The following IMPG1 variants were observed in gnomAD, a reference collection of about 807,000 sequenced individuals.
IMPG1 encodes the protein interphotoreceptor matrix proteoglycan of 150 kDa.
In IMPG1, 85 loss-of-function variants were observed where a neutral mutation model predicts 92.0. The observed-to-expected ratio is 0.92, with a 90% CI of 0.78 to 1.11. IMPG1 has a LOEUF of 1.11. IMPG1 is among the 50% of genes least tolerant of loss of function. The probability of loss-of-function intolerance (pLI) is 0.00; values close to 1 mark genes in which losing one functional copy is unlikely to be tolerated. For missense variants in IMPG1, 1,022 were observed against 956.0 expected (o/e 1.07, Z -0.91); for synonymous variants, 367 against 334.1 (o/e 1.10, Z -1.08).
At chr6:75,927,664 A>T (rs1781579892) in intron 15 of IMPG1, among the ~76,000 whole-genome samples, 1 of 152,014 alleles carries the variant, frequency 6.6e-6, no homozygotes, top group Admixed American at 6.5e-5. Context: ...AAAGGGCAAA[A>T]TTGGGGTAAT....
At chr6:76,003,802 G>A in intron 11 of IMPG1, 72 bp downstream of exon 11, 1 of 1,122,016 alleles carries the variant, frequency 8.9e-7, no homozygotes, top group Non-Finnish European at 1.3e-6. Flanking sequence ...CATTTCTTAA[G>A]CTGATTTGTT....
chr6:75,962,297 T>C (rs1782223874), intron 12 of IMPG1, among the ~76,000 whole-genome samples: 1 of 152,010 alleles, frequency 6.6e-6, no homozygotes, highest in Admixed American at 6.6e-5. Flanking sequence ...TAAAAAAATT[T>C]TTTTTTTATG....
chr6:75,924,667 AAAT>A (rs1415538908), intron 15 of IMPG1, among the ~76,000 whole-genome samples: 6 of 7,998 alleles, frequency 7.5e-4, no homozygotes, highest in Non-Finnish European at 8.7e-4. Flanking sequence ...AATATATAAT[AAAT>A]TATATATTAT....
intron 15 of IMPG1, among the ~76,000 whole-genome samples, chr6:75,925,270 T>G (rs756406645): frequency 8.5e-5 from 13 of 152,146 alleles, no homozygotes; most frequent in Non-Finnish European, 1.6e-4. Flanking sequence ...TTAAATAAAA[T>G]AAATATTTTT....
chr6:76,048,032 A>G (rs893058986), intron 1 of IMPG1, among the ~76,000 whole-genome samples: 17 of 152,282 alleles, frequency 1.1e-4, no homozygotes, highest in African/African-American at 4.1e-4. Context: ...GTAAATAATC[A>G]ATGGGACCAA....
intron 12 of IMPG1, among the ~76,000 whole-genome samples, chr6:75,952,617 C>A (rs1331438919): frequency 6.6e-6 from 1 of 152,126 alleles, no homozygotes; most frequent in Non-Finnish European, 1.5e-5. Flanking sequence ...TTATTAAAAT[C>A]TCCATTGCTA....
intron 7 of IMPG1, among the ~76,000 whole-genome samples, chr6:76,013,714 C>T (rs1221120877): frequency 6.6e-6 from 1 of 152,082 alleles, no homozygotes; most frequent in Admixed American, 6.6e-5. Flanking sequence ...GGACCCAGCA[C>T]ATTTTGTTTA....
chr6:75,931,399 G>A (rs543861753), intron 14 of IMPG1, among the ~76,000 whole-genome samples: 14 of 152,244 alleles, frequency 9.2e-5, no homozygotes, highest in South Asian at 6.2e-4. Context: ...CATCAGAATC[G>A]TCTGGAGGCC....
At chr6:76,041,823 A>T in intron 2 of IMPG1, 70 bp downstream of exon 2, 1 of 1,027,170 alleles carries the variant, frequency 9.7e-7, no homozygotes, top group Admixed American at 2.0e-5. Flanking sequence ...GGCTAAAGAC[A>T]ACCTATGGAT....
At chr6:75,983,457 C>A (rs1479264296) in intron 12 of IMPG1, among the ~76,000 whole-genome samples, 2 of 151,988 alleles carry the variant, frequency 1.3e-5, no homozygotes, top group Admixed American at 1.3e-4. Context: ...GACAAGGTTG[C>A]CAAGAACACA....
intron 15 of IMPG1, among the ~76,000 whole-genome samples, chr6:75,928,824 CA>C (rs1432496091): frequency 1.3e-5 from 2 of 152,188 alleles, no homozygotes; most frequent in Non-Finnish European, 2.9e-5. Context: ...ATGGCAGTGC[CA>C]TATGGTTGAA....
chr6:76,018,813 G>T lies in IMPG1; in HGVS notation c.712C>A (p.Leu238Ile). ...FAVLEEQRVELSVSLVNQKFK... is the reference protein window; with the variant it reads ...FAVLEEQRVEISVSLVNQKFK... ...TTCTGGTTTACCAGAGAGACGCTGA[G>T]CTCCACCCTCTGCTCCTCCAACACA... Residue 238 changes from leucine (L) to isoleucine (I), a missense_variant, in exon 7 of 17, where the codon CTC becomes ATC. This residue lies in a region of IMPG1 where 681 missense variants were observed against 583.6 expected (regional missense o/e 1.17). Transcript: ENST00000369950. The T allele has an allele frequency of 6.2e-7, 1 of 1,611,942 alleles. No homozygotes were observed. The highest frequency in any genetic ancestry group is 1.1e-5 in the South Asian group (1 of 90,764).
chr6:75,954,281 T>C (rs6929611), intron 12 of IMPG1, among the ~76,000 whole-genome samples: 55,340 of 152,034 alleles, frequency 0.36, 10,379 homozygotes, highest in East Asian at 0.6. Flanking sequence ...TCTGTTGTTT[T>C]CTGACTTTTT....
intron 9 of IMPG1, 89 bp from the exon 10 acceptor site, chr6:76,005,623 A>G (rs567000832): frequency 1.7e-5 from 24 of 1,394,206 alleles, no homozygotes; most frequent in Non-Finnish European, 2.0e-5. Context: ...AAGCTTCAGG[A>G]TAGCTTCCAC....
At chr6:76,072,359 A>G in intron 1 of IMPG1, 63 bp downstream of exon 1, 1 of 891,174 alleles carries the variant, frequency 1.1e-6, no homozygotes, top group Non-Finnish European at 1.8e-6. Context: ...GGTTCTAAAT[A>G]TTCACTTCTA....
intron 12 of IMPG1, among the ~76,000 whole-genome samples, chr6:75,983,660 G>A (rs1045219915): frequency 6.6e-6 from 1 of 152,200 alleles, no homozygotes; most frequent in African/African-American, 2.4e-5. Context: ...CATGAAAATG[G>A]TCTGGGCAAT....
At chr6:75,922,501 C>T (rs1781447086) in intron 16 of IMPG1, among the ~76,000 whole-genome samples, 1 of 152,126 alleles carries the variant, frequency 6.6e-6, no homozygotes, top group African/African-American at 2.4e-5. Context: ...CCCATGTGTC[C>T]TCTGAATGTC....
intron 15 of IMPG1, among the ~76,000 whole-genome samples, chr6:75,930,117 T>G (rs1397525175): frequency 6.6e-6 from 1 of 152,228 alleles, no homozygotes; most frequent in East Asian, 1.9e-4. Context: ...CACTCTAAAG[T>G]CTGGTTCCTG....
chr6:76,053,936 GAGC>G (rs1302291417), intron 1 of IMPG1, among the ~76,000 whole-genome samples: 1 of 152,076 alleles, frequency 6.6e-6, no homozygotes, highest in Non-Finnish European at 1.5e-5. Context: ...AGCAGAATTG[GAGC>G]AGATCAAACA....
Sources: allele counts gnomAD v4.1 joint callset (sites outside exome capture counted in the v4.1 genomes callset), GRCh38; gene constraint gnomAD v4.1.1; regional missense constraint gnomAD v4.1.1; transcripts MANE v1.5; gene names NCBI Gene and HGNC (gene_info 2026-07-23, HGNC 2026-07-21).